Variants in PTPRQ observed in about 807,000 individuals in gnomAD.
PTPRQ encodes the protein phosphatidylinositol phosphatase PTPRQ.
In PTPRQ, 199 loss-of-function variants were observed where a neutral mutation model predicts 246.0. That is an observed-to-expected ratio of 0.81 (90% CI 0.72 to 0.91). PTPRQ has a LOEUF of 0.91. PTPRQ is among the 40% of genes least tolerant of loss of function. PTPRQ has a pLI of 0.00. For synonymous variants in PTPRQ, 869 were observed against 853.2 expected (o/e 1.02, Z -0.32); for missense variants, 2,624 against 2,528.4 (o/e 1.04, Z -0.81).
chr12:80,507,772 C>T (rs1159879380), intron 16 of PTPRQ, among the ~76,000 whole-genome samples: 1 of 151,814 alleles, frequency 6.6e-6, no homozygotes, highest in Non-Finnish European at 1.5e-5. Flanking sequence ...TCCAATTTTT[C>T]TTCATAAATA....
intron 39 of PTPRQ, among the ~76,000 whole-genome samples, chr12:80,663,144 A>C (rs986838748): frequency 6.6e-6 from 1 of 151,864 alleles, no homozygotes; most frequent in African/African-American, 2.4e-5. Context: ...TAATACATAG[A>C]TATATGTATT....
intron 17 of PTPRQ, among the ~76,000 whole-genome samples, chr12:80,529,792 C>A (rs935249728): frequency 5.3e-5 from 8 of 151,966 alleles, no homozygotes; most frequent in Non-Finnish European, 1.2e-4. Context: ...TGTATTTTTA[C>A]AGAATAATTT....
intron 25 of PTPRQ, among the ~76,000 whole-genome samples, chr12:80,557,814 A>G (rs750498949): frequency 5.9e-5 from 9 of 152,152 alleles, no homozygotes; most frequent in Non-Finnish European, 1.0e-4. Context: ...TTCCATCAGA[A>G]TAATCCCTCA....
chr12:80,449,048 C>T (rs917477526), intron 3 of PTPRQ, among the ~76,000 whole-genome samples: 18 of 151,740 alleles, frequency 1.2e-4, no homozygotes, highest in African/African-American at 4.4e-4. Context: ...TCTTTCCTGA[C>T]TTTTTAATGA....
At chr12:80,509,772 A>G (rs1321600497) in intron 16 of PTPRQ, among the ~76,000 whole-genome samples, 1 of 152,150 alleles carries the variant, frequency 6.6e-6, no homozygotes, top group African/African-American at 2.4e-5. Context: ...TTTGTAAACC[A>G]TTCAATTTTG....
intron 17 of PTPRQ, among the ~76,000 whole-genome samples, chr12:80,528,001 C>A (rs1254716626): frequency 6.6e-6 from 1 of 152,050 alleles, no homozygotes; most frequent in Non-Finnish European, 1.5e-5. Context: ...GGAGGAGCAC[C>A]TGAGCCTGGG....
chr12:80,640,358 T>G (rs1899811866), intron 35 of PTPRQ, among the ~76,000 whole-genome samples: 1 of 152,242 alleles, frequency 6.6e-6, no homozygotes, highest in Non-Finnish European at 1.5e-5. Context: ...ACATTTTAAG[T>G]GTCATCATTC....
chr12:80,564,372 C>T (rs534054580), intron 25 of PTPRQ, among the ~76,000 whole-genome samples: 1 of 152,258 alleles, frequency 6.6e-6, no homozygotes, highest in Non-Finnish European at 1.5e-5. Flanking sequence ...CTAACTCCAC[C>T]TTTCAGCCTC....
At chr12:80,654,902 A>G (rs1280744215) in intron 38 of PTPRQ, among the ~76,000 whole-genome samples, 3 of 151,866 alleles carry the variant, frequency 2.0e-5, no homozygotes, top group Non-Finnish European at 2.9e-5. Flanking sequence ...ATCAGTATAT[A>G]TAAAGTAAGT....
At chr12:80,493,573 GA>G (rs1423609417) in intron 10 of PTPRQ, 118 bp downstream of exon 10, 12 of 1,356,738 alleles carry the variant, frequency 8.8e-6, no homozygotes, top group Middle Eastern at 2.6e-4. Flanking sequence ...GCTGGAGTCG[GA>G]TTTTTTTTTA....
intron 9 of PTPRQ, among the ~76,000 whole-genome samples, chr12:80,488,970 A>T (rs532017457): frequency 6.6e-6 from 1 of 152,164 alleles, no homozygotes; most frequent in East Asian, 1.9e-4. Flanking sequence ...TTCCTAATAA[A>T]TGAGGTGAAT....
At chr12:80,678,510 A>G in intron 43 of PTPRQ, 92 bp from the exon 44 acceptor site, 1 of 1,360,614 alleles carries the variant, frequency 7.3e-7, no homozygotes, top group Non-Finnish European at 9.5e-7. Flanking sequence ...TATTTGATGA[A>G]TTCAGTACTG....
intron 8 of PTPRQ, among the ~76,000 whole-genome samples, chr12:80,483,509 T>A (rs892213693): frequency 6.6e-6 from 1 of 151,890 alleles, no homozygotes; most frequent in African/African-American, 2.4e-5. Context: ...ACATGTACCC[T>A]AAAACTTAAA....
chr12:80,522,375 C>A (rs1295771952), intron 17 of PTPRQ, among the ~76,000 whole-genome samples: 1 of 152,168 alleles, frequency 6.6e-6, no homozygotes, highest in African/African-American at 2.4e-5. Flanking sequence ...GCCTAATCGA[C>A]CTGGCCAGAA....
chr12:80,586,012 A>C lies in PTPRQ; in HGVS notation c.4286-2117A>C, dbSNP rs1795634475. 2.6e-5 allele frequency among the ~76,000 whole-genome samples: 4 copies of C among 151,116 alleles called. No homozygotes were observed. The South Asian group carries it at 6.3e-4, about 24-fold the overall frequency. ...GGTTTTTTTGTTCTTGCGATAGTTT[A>C]CTGAGAATGATGATTTCCAATTTCA... is the stretch of plus-strand genomic sequence containing the variant. On this transcript the variant is annotated intron_variant, in intron 25 of 44. Transcript: ENST00000644991.
chr12:80,501,318 T>G (rs1894792128), intron 14 of PTPRQ, among the ~76,000 whole-genome samples: 1 of 152,010 alleles, frequency 6.6e-6, no homozygotes, highest in African/African-American at 2.4e-5. Flanking sequence ...TGTTGAATGT[T>G]GAAGTAAAGA....
At chr12:80,446,524 T>C (rs1892559611) in intron 3 of PTPRQ, among the ~76,000 whole-genome samples, 1 of 151,770 alleles carries the variant, frequency 6.6e-6, no homozygotes, top group South Asian at 2.1e-4. Flanking sequence ...GCTTCTAGTA[T>C]ACCCATCACC....
chr12:80,599,368 C>T (rs2121061307), intron 26 of PTPRQ, among the ~76,000 whole-genome samples: 1 of 151,880 alleles, frequency 6.6e-6, no homozygotes, highest in East Asian at 1.9e-4. Context: ...ATATCTTGGC[C>T]CATTACTGAC....
intron 25 of PTPRQ, among the ~76,000 whole-genome samples, chr12:80,586,349 C>T (rs1002163844): frequency 2.0e-5 from 3 of 150,904 alleles, no homozygotes; most frequent in Non-Finnish European, 3.0e-5. Flanking sequence ...CAATGAGATA[C>T]CATCTCACAC....
Sources: gnomAD v4.1 joint callset for allele counts (sites outside exome capture counted in the v4.1 genomes callset) on GRCh38, gnomAD v4.1.1 for gene constraint, MANE v1.5 for transcripts, NCBI Gene and HGNC (gene_info 2026-07-23, HGNC 2026-07-21) for gene names.